RFX4: variants seen among roughly 807,000 people sequenced by gnomAD.
RFX4 encodes transcription factor RFX4.
RFX4 carries 10 observed loss-of-function variants against 95.0 expected under a neutral mutation model. The ratio of observed to expected loss-of-function variants is 0.11; its 90% confidence interval spans 0.06 to 0.18. RFX4 has a LOEUF of 0.18. Among genes scored for constraint, RFX4 ranks in the 10% least tolerant of loss-of-function variants. The pLI, the probability that RFX4 is intolerant of heterozygous loss-of-function variation, is 1.00. For synonymous variants in RFX4, 321 were observed against 340.7 expected, an observed-to-expected ratio of 0.94 and a Z score of 0.64; for missense variants, 640 against 922.0, an observed-to-expected ratio of 0.69 and a Z score of 3.96.
intron 2 of RFX4, among the ~76,000 whole-genome samples, chr12:106,610,529 G>GCT (rs1472022772): frequency 5.3e-5 from 8 of 152,104 alleles, no homozygotes; most frequent in Non-Finnish European, 1.0e-4. Context: ...TAATTTGACT[G>GCT]CTCTAAGTAT....
At position 106,758,055 on chromosome 12, in the gene RFX4, G is replaced by C. The variant is rs186755884; in HGVS notation, c.1936-3142G>C. On this transcript the variant is annotated intron_variant, in intron 17 of 17. Transcript: ENST00000392842. Reference sequence around the variant, plus strand: ...AGCATATGATTTGATCCAAAGAATGGTAACTTGCTGTTATGGGCCCTCAAC... The same window carrying C: ...AGCATATGATTTGATCCAAAGAATGCTAACTTGCTGTTATGGGCCCTCAAC... 1.8e-3 allele frequency among the ~76,000 whole-genome samples: 275 copies of C among 152,324 alleles called. 1 individual carries two copies. Among genetic ancestry groups the C allele is most frequent in the African/African-American group, 6.1e-3 (254 of 41,582 alleles).
At chr12:106,601,393 C>T in intron 1 of RFX4, 1 of 1,539,460 alleles carries the variant, frequency 6.5e-7, no homozygotes, top group South Asian at 1.2e-5. Flanking sequence ...GGCCTGGCAC[C>T]CTCAGGGGGA....
chr12:106,656,205 A>G (rs1041868266), intron 4 of RFX4, among the ~76,000 whole-genome samples: 3 of 151,522 alleles, frequency 2.0e-5, no homozygotes, highest in African/African-American at 7.3e-5. Context: ...TTGACTTGAG[A>G]CTCTTCCTTC....
chr12:106,761,642 C>T lies in RFX4; in HGVS notation c.*173C>T, dbSNP rs2136110622. The T allele has an allele frequency of 2.9e-6, 1 of 349,930 alleles. No individual in the cohort carries two copies. Among genetic ancestry groups the T allele is most frequent in the East Asian group, 7.0e-5 (1 of 14,388 alleles). 21.7% of individuals were successfully genotyped at this position (349,930 alleles called of 1,614,324 possible). A position where few individuals can be genotyped will look rare whatever the true frequency, so the allele number is the denominator to read the frequency against. ...ATGGGATCAATGTGGGATGAATAAACTTTAGTTCAGAAACAGGACTTACTA... is the reference window on the plus strand; with the variant it reads ...ATGGGATCAATGTGGGATGAATAAATTTTAGTTCAGAAACAGGACTTACTA... On this transcript the variant is annotated 3_prime_UTR_variant, in exon 18 of 18. Transcript: ENST00000392842.
chr12:106,616,506 G>A (rs1175490774), intron 2 of RFX4, among the ~76,000 whole-genome samples: 1 of 152,100 alleles, frequency 6.6e-6, no homozygotes, highest in South Asian at 2.1e-4. Flanking sequence ...AGTTTCCTAT[G>A]TCTCTATTGT....
Position 106,720,585 on chromosome 12 carries a change from C to T in RFX4, c.1234-174C>T, listed in dbSNP as rs775041576. Among the ~76,000 whole-genome samples, 22 of 151,932 alleles carry T rather than the reference C, an allele frequency of 1.4e-4. No homozygotes were observed. Among genetic ancestry groups the T allele is most frequent in the Non-Finnish European group, 2.8e-4 (19 of 67,960 alleles). ...TTTTGTAGAGATGGGGTTTCTGCCA[C>T]GTTGCCCAGGCTGGTCTCAAACTCC... On this transcript the variant is annotated intron_variant, in intron 12 of 17. Coordinates refer to ENST00000392842, the MANE Select transcript of RFX4 (RefSeq NM_213594.3). The surrounding 1 kb of genome is among the most constrained non-coding windows in gnomAD (Gnocchi z 4.2).
intron 15 of RFX4, among the ~76,000 whole-genome samples, chr12:106,737,762 G>A (rs1392793693): frequency 1.3e-5 from 2 of 152,162 alleles, no homozygotes; most frequent in Non-Finnish European, 2.9e-5. Context: ...GTTGATAAAT[G>A]GCATTAGATC....
At chr12:106,621,917 C>T (rs2040194776) in intron 2 of RFX4, among the ~76,000 whole-genome samples, 1 of 152,192 alleles carries the variant, frequency 6.6e-6, no homozygotes, top group Admixed American at 6.5e-5. Flanking sequence ...CTAGTCCTGT[C>T]TGCATTTATT....
At chr12:106,588,670 A>G (rs942173071) in intron 1 of RFX4, among the ~76,000 whole-genome samples, 2 of 152,130 alleles carry the variant, frequency 1.3e-5, no homozygotes, top group African/African-American at 2.4e-5. Flanking sequence ...GTGGGTTTGC[A>G]CAACCCGCAA....
intron 13 of RFX4, among the ~76,000 whole-genome samples, chr12:106,721,887 G>A (rs1027508218): frequency 2.0e-5 from 3 of 152,142 alleles, no homozygotes; most frequent in Non-Finnish European, 2.9e-5. Flanking sequence ...GCTATACAAC[G>A]AAGTAAATAT....
intron 8 of RFX4, among the ~76,000 whole-genome samples, chr12:106,698,041 T>C (rs906037360): frequency 6.6e-6 from 1 of 151,880 alleles, no homozygotes; most frequent in African/African-American, 2.4e-5. Flanking sequence ...GGCGCAGTCT[T>C]GGCTCACTAC....
rs140584289 is a variant in RFX4 at position 106,668,978 on chromosome 12, G to A, written c.316-13015G>A. On this transcript the variant is annotated intron_variant, in intron 4 of 17. Coordinates refer to ENST00000392842, the MANE Select transcript of RFX4 (RefSeq NM_213594.3). ...ATTTGGCCTCAAAAATATACCTTCTGAAATAAAGGCTTAATGATGTCTTAA... is the reference window on the plus strand; with the variant it reads ...ATTTGGCCTCAAAAATATACCTTCTAAAATAAAGGCTTAATGATGTCTTAA... 5.5e-3 allele frequency among the ~76,000 whole-genome samples: 836 copies of A among 152,296 alleles called. 6 individuals are homozygous for A. Among genetic ancestry groups the A allele is most frequent in the Non-Finnish European group, 8.8e-3 (600 of 68,030 alleles).
intron 2 of RFX4, among the ~76,000 whole-genome samples, chr12:106,637,088 C>T (rs1426760889): frequency 6.6e-6 from 1 of 152,110 alleles, no homozygotes; most frequent in African/African-American, 2.4e-5. Flanking sequence ...GTTACATGCT[C>T]CACCTAATCC....
chr12:106,676,829 A>G (rs967304563), intron 4 of RFX4, among the ~76,000 whole-genome samples: 3 of 152,248 alleles, frequency 2.0e-5, no homozygotes, highest in Admixed American at 6.5e-5. Flanking sequence ...AACACACCCA[A>G]TGTGTAAATG....
intron 9 of RFX4, among the ~76,000 whole-genome samples, chr12:106,709,835 G>A (rs568315873): frequency 2.6e-5 from 4 of 152,248 alleles, no homozygotes; most frequent in Admixed American, 6.5e-5. Context: ...CCAAAGCCAC[G>A]CAGCCACACA....
chr12:106,690,615 C>T (rs1425879636), intron 7 of RFX4, among the ~76,000 whole-genome samples: 1 of 152,110 alleles, frequency 6.6e-6, no homozygotes, highest in Non-Finnish European at 1.5e-5. Context: ...CTCCTTCCAC[C>T]CTGCCCTAGA....
At chr12:106,708,325 T>TTGTG (rs998564742) in intron 8 of RFX4, among the ~76,000 whole-genome samples, 4 of 150,118 alleles carry the variant, frequency 2.7e-5, no homozygotes, top group African/African-American at 9.8e-5. Flanking sequence ...CGTCCTTCCT[T>TTGTG]TGTGTGTGTG....
intron 8 of RFX4, among the ~76,000 whole-genome samples, chr12:106,707,120 A>T (rs2042099592): frequency 6.6e-6 from 1 of 152,162 alleles, no homozygotes; most frequent in South Asian, 2.1e-4. Flanking sequence ...AAGCTGGGTC[A>T]TGGGTGCTTG....
chr12:106,639,366 C>T lies in RFX4; in HGVS notation c.165C>T (p.Pro55=), dbSNP rs776222950. ...AAGAAAATAATAGAGCATCCAAGCCCCACTCCACTCCTGCTACTCTGCAAT... is the reference window on the plus strand; with the variant it reads ...AAGAAAATAATAGAGCATCCAAGCCTCACTCCACTCCTGCTACTCTGCAAT... ...EEKENNRASK[P]HSTPATLQWL... The change falls in exon 3 of 18, where the codon CCC becomes CCT. Residue 55 remains proline (P), a synonymous_variant. Coordinates refer to ENST00000392842, the MANE Select transcript of RFX4 (RefSeq NM_213594.3). The T allele has an allele frequency of 5.0e-6, 8 of 1,613,600 alleles. No individual in the cohort carries two copies. In the Admixed American group the frequency reaches 1.0e-4, roughly 20 times the overall value.
Sources: allele counts gnomAD v4.1 joint callset (sites outside exome capture counted in the v4.1 genomes callset), GRCh38; gene constraint gnomAD v4.1.1; non-coding constraint Gnocchi (gnomAD v3.1); transcripts MANE v1.5; gene names NCBI Gene and HGNC (gene_info 2026-07-23, HGNC 2026-07-21).